The following MYO15B variants were observed in gnomAD, a reference collection of about 807,000 sequenced individuals.
MYO15B encodes myosin XVB pseudogene.
Under a neutral mutation model 119.3 loss-of-function variants are expected in MYO15B, and 207 were observed. The observed-to-expected ratio is 1.73, with a 90% CI of 1.55 to 1.95. MYO15B has a LOEUF of 1.95. Ranked by LOEUF, MYO15B falls within the 30% of genes most tolerant of loss-of-function variation. The pLI is 0.00. For synonymous variants in MYO15B, 966 were observed against 498.9 expected, an observed-to-expected ratio of 1.94 and a Z score of -12.48; for missense variants, 2,264 against 1,203.1, an observed-to-expected ratio of 1.88 and a Z score of -13.04.
chr17:75,603,461 CCTCTCTCT>C (rs373339169), intron 19 of MYO15B, 149 bp downstream of exon 19: 91 of 582,774 alleles, frequency 1.6e-4, no homozygotes, highest in African/African-American at 1.4e-3. Context: ...GTCCTCTCAT[CCTCTCTCT>C]CTCTCTCTTT....
rs71382176 is a variant in MYO15B at position 75,625,526 on chromosome 17, G to A, written c.8805-1G>A. The A allele has an allele frequency of 1.4e-6, 1 of 703,088 alleles. No homozygotes were observed. The highest frequency in any genetic ancestry group is 1.5e-5 in the South Asian group (1 of 67,588). The allele number at this position is 703,088 out of a possible 1,614,324, so 43.6% of individuals were successfully genotyped here. The stretch of plus-strand genomic sequence containing the variant: ...AAACTGACCCTGGTCACACATCCTA[G>A]GCAGGACCTGCTAGCTTACGTGCCA... On this transcript the variant is annotated splice_acceptor_variant, in intron 60 of 63. Coordinates refer to ENST00000645453, the Ensembl canonical transcript of MYO15B. LOFTEE classifies it high-confidence loss of function.
Position 75,605,487 on chromosome 17 carries a change from C to T in MYO15B, c.4017-17C>T, listed in dbSNP as rs762654725. The T allele has an allele frequency of 2.9e-6, 2 of 701,292 alleles. No homozygotes were observed. Among genetic ancestry groups the T allele is most frequent in the South Asian group, 3.0e-5 (2 of 67,504 alleles). The allele number at this position is 701,292 out of a possible 1,614,324, so 43.4% of individuals were successfully genotyped here. ...GAGGTTCTGGCTATTCTGATCTCAG[C>T]TCCATCCTTGGAGCAGCTTCCAGGC... is the stretch of plus-strand genomic sequence containing the variant. On this transcript the variant is annotated splice_polypyrimidine_tract_variant and intron_variant, in intron 19 of 63. Transcript: ENST00000645453.
chr17:75,614,659 A>G (rs1396316861), exon 31 of MYO15B: 1 of 701,372 alleles, frequency 1.4e-6, no homozygotes, highest in Admixed American at 2.0e-5. Flanking sequence ...TCCAGCCCCA[A>G]CGCTGCCCAG....
At chr17:75,625,912 C>T (rs1399580426) in exon 62 of MYO15B, 1 of 702,552 alleles carries the variant, frequency 1.4e-6, no homozygotes, top group Non-Finnish European at 2.6e-6. Flanking sequence ...CATGCAGGCC[C>T]TGTCCGGACC....
At position 75,615,617 on chromosome 17, in the gene MYO15B, C is replaced by T. The variant is rs1459753231; in HGVS notation, c.5838+17C>T. 4 of 686,540 alleles carry T rather than the reference C, an allele frequency of 5.8e-6. No individual in the cohort carries two copies. The highest frequency in any genetic ancestry group is 1.5e-5 in the South Asian group (1 of 65,168). 42.5% of individuals were successfully genotyped at this position (686,540 alleles called of 1,614,324 possible). A position where few individuals can be genotyped will look rare whatever the true frequency, so the allele number is the denominator to read the frequency against. Reference sequence around the variant, plus strand: ...CTAATCCTGGTGAGCGCTGGCAGGGCCCTGGGGCCACCTGGTGGAGGAGAG... The same window carrying T: ...CTAATCCTGGTGAGCGCTGGCAGGGTCCTGGGGCCACCTGGTGGAGGAGAG... On this transcript the variant is annotated intron_variant, in intron 35 of 63. Transcript: ENST00000645453.
rs2056873013 is a variant in MYO15B at position 75,596,574 on chromosome 17, G to T, written c.3393+19G>T. 1 of 702,900 alleles carries T rather than the reference G, an allele frequency of 1.4e-6. No individual in the cohort carries two copies. The highest frequency in any genetic ancestry group is 1.7e-5 in the African/African-American group (1 of 57,388). 43.5% of individuals were successfully genotyped at this position (702,900 alleles called of 1,614,324 possible). ...GGAGGAGGTAAGAGGATTGGGCGTG[G>T]ACGTGGCAGGGGCCGCTCAGGCATT... On this transcript the variant is annotated intron_variant, in intron 13 of 63. Coordinates refer to ENST00000645453, the Ensembl canonical transcript of MYO15B.
At chr17:75,617,579 G>GACACATACCCAACA (rs76162182) in intron 41 of MYO15B, 14 of 572,638 alleles carry the variant, frequency 2.4e-5, no homozygotes, top group South Asian at 1.1e-4. Context: ...GGAAGTTAGT[G>GACACATACCCAACA]GCCCTGGCTG....
intron 59 of MYO15B, 36 bp from the exon 60 acceptor site, chr17:75,625,087 A>G (rs1234107607): frequency 3.0e-6 from 2 of 668,226 alleles, no homozygotes; most frequent in South Asian, 3.2e-5. Flanking sequence ...GGGGCTTTGG[A>G]CCACCGCTGC....
exon 29 of MYO15B, chr17:75,613,757 TGGG>T: frequency 2.8e-6 from 2 of 702,348 alleles, no homozygotes; most frequent in South Asian, 3.0e-5. Context: ...AGCAGCTGGC[TGGG>T]TGGATCCTGC....
chr17:75,617,500 T>G (rs1027997678), intron 41 of MYO15B, 196 bp downstream of exon 41: 1 of 552,968 alleles, frequency 1.8e-6, no homozygotes, highest in Non-Finnish European at 3.2e-6. Flanking sequence ...CTGGGCATCT[T>G]TGGGGCTGTC....
chr17:75,612,462 C>A (rs2058086393), intron 25 of MYO15B, among the ~76,000 whole-genome samples: 1 of 152,102 alleles, frequency 6.6e-6, no homozygotes, highest in Non-Finnish European at 1.5e-5. Flanking sequence ...CACCTGAGGT[C>A]AGGAGTTTGA....
rs2056237149 is a variant in MYO15B, at chr17:75,589,022, C to G, written c.965C>G (p.Ala322Gly). ...GCGGCAGGCGAGGGCGAAGCGGGAGCCGCAGCAGGAGCGGGGCCGGAGGAC... is the reference window on the plus strand; with the variant it reads ...GCGGCAGGCGAGGGCGAAGCGGGAGGCGCAGCAGGAGCGGGGCCGGAGGAC... The change falls in exon 1 of 64, where the codon GCC becomes GGC. Residue 322 changes from alanine (A) to glycine (G), a missense_variant. Transcript: ENST00000645453. The surrounding 1 kb of genome is among the most constrained non-coding windows in gnomAD (Gnocchi z 4.2). 2 of 397,598 alleles carry G rather than the reference C, an allele frequency of 5.0e-6. No individual in the cohort carries two copies. Among genetic ancestry groups the G allele is most frequent in the Non-Finnish European group, 8.9e-6 (2 of 225,362 alleles). The allele number at this position is 397,598 out of a possible 1,614,324, so 24.6% of individuals were successfully genotyped here.
intron 14 of MYO15B, among the ~76,000 whole-genome samples, chr17:75,598,903 G>A (rs2147809924): frequency 6.6e-6 from 1 of 152,214 alleles, no homozygotes; most frequent in African/African-American, 2.4e-5. Flanking sequence ...TATGTGACAT[G>A]TACCATTTTC....
chr17:75,599,576 C>T lies in MYO15B; in HGVS notation c.3526-1862C>T, dbSNP rs1039488783. On this transcript the variant is annotated intron_variant, in intron 14 of 63. Transcript: ENST00000645453. The stretch of plus-strand genomic sequence containing the variant: ...CTGGGATTACAGGCACAAGCCACCG[C>T]ACCTGGCCTGAAAGTGATCTTTGAA... Among the ~76,000 whole-genome samples, 15 of 152,114 alleles carry T rather than the reference C, an allele frequency of 9.9e-5. 1 individual carries two copies. Among genetic ancestry groups the T allele is most frequent in the Admixed American group, 1.3e-4 (2 of 15,300 alleles).
In MYO15B at chr17:75,624,990, CT is replaced by C. The variant is rs1237704144; in HGVS notation, c.8688+75del. ...TCCTGCCTGGGCGACCTCCAAGCCC[CT>C]CTCCCCACAAGGGTGTGGGTCTGTG... On this transcript the variant is annotated intron_variant, in intron 59 of 63. Coordinates refer to ENST00000645453, the Ensembl canonical transcript of MYO15B. 8 of 683,186 alleles carry C rather than the reference CT, an allele frequency of 1.2e-5. No individual in the cohort carries two copies. In the Middle Eastern group the frequency reaches 7.2e-4, roughly 61 times the overall value. The allele number at this position is 683,186 out of a possible 1,614,324, so 42.3% of individuals were successfully genotyped here.
chr17:75,594,081 C>T (rs1212461670), intron 9 of MYO15B, among the ~76,000 whole-genome samples: 3 of 125,486 alleles, frequency 2.4e-5, no homozygotes, highest in East Asian at 2.3e-4. Context: ...CAGAGTGAGA[C>T]CCTGTCTCAA....
In MYO15B at chr17:75,621,990, T is replaced by C; in HGVS notation, c.8006-14T>C. On this transcript the variant is annotated splice_polypyrimidine_tract_variant and intron_variant, in intron 52 of 63. Transcript: ENST00000645453. ...AGCCCCAGCTATGTGCCCTGTTTCTTATCGTGCCTGCAGCCCTGATGCGGT... is the reference window on the plus strand; with the variant it reads ...AGCCCCAGCTATGTGCCCTGTTTCTCATCGTGCCTGCAGCCCTGATGCGGT... 3 of 702,912 alleles carry C rather than the reference T, an allele frequency of 4.3e-6. No homozygotes were observed. Among genetic ancestry groups the C allele is most frequent in the Non-Finnish European group, 7.8e-6 (3 of 384,964 alleles). 43.5% of individuals were successfully genotyped at this position (702,912 alleles called of 1,614,324 possible).
At chr17:75,607,431 A>AATTATTATTATT (rs71721337) in intron 21 of MYO15B, among the ~76,000 whole-genome samples, 1 of 140,488 alleles carries the variant, frequency 7.1e-6, no homozygotes, top group African/African-American at 2.7e-5. Context: ...GTTAATAATT[A>AATTATTATTATT]ATTATTATTA....
chr17:75,606,104 A>C (rs1248832962), intron 21 of MYO15B, 83 bp downstream of exon 21: 3 of 605,940 alleles, frequency 5.0e-6, no homozygotes, highest in Non-Finnish European at 9.0e-6. Flanking sequence ...AGGGTTGGGG[A>C]AACATAGGGC....
Sources: allele counts gnomAD v4.1 joint callset (sites outside exome capture counted in the v4.1 genomes callset), GRCh38; gene constraint gnomAD v4.1.1; non-coding constraint Gnocchi (gnomAD v3.1); transcripts MANE v1.5; gene names NCBI Gene and HGNC (gene_info 2026-07-23, HGNC 2026-07-21).